Variants in IRAG1 observed in about 807,000 individuals in gnomAD.
IRAG1 encodes IP3R-associated cGMP kinase substrate.
Under a neutral mutation model 106.2 loss-of-function variants are expected in IRAG1, and 62 were observed. The ratio of observed to expected loss-of-function variants is 0.58; its 90% CI spans 0.48 to 0.72. IRAG1 has a LOEUF of 0.72. Among genes scored for constraint, IRAG1 ranks in the 30% least tolerant of loss-of-function variants. IRAG1 has a pLI of 0.00. For synonymous variants in IRAG1, 462 were observed against 443.9 expected (o/e 1.04, Z -0.51); for missense variants, 1,064 against 1,140.7 (o/e 0.93, Z 0.97).
Position 10,693,524 on chromosome 11 carries a change from G to A in IRAG1, c.67+12C>T. 1 of 1,535,554 alleles carries A rather than the reference G, an allele frequency of 6.5e-7. No homozygotes were observed. The highest frequency in any genetic ancestry group is 2.0e-5 in the Admixed American group (1 of 51,002). ...AAGAGGCAGGTTATTCTAGGATATA[G>A]GGGAGGCTTACCTAAAACTGAGTTA... On this transcript the variant is annotated intron_variant, in intron 1 of 20. Transcript: ENST00000423302.
intron 2 of IRAG1, among the ~76,000 whole-genome samples, chr11:10,648,825 G>A (rs546521570): frequency 9.2e-5 from 14 of 152,282 alleles, no homozygotes; most frequent in African/African-American, 2.9e-4. Flanking sequence ...GTGTGTATGC[G>A]TGTGTACGTG....
At chr11:10,654,376 C>T (rs1453746239) in intron 1 of IRAG1, among the ~76,000 whole-genome samples, 1 of 152,200 alleles carries the variant, frequency 6.6e-6, no homozygotes, top group African/African-American at 2.4e-5. Context: ...GACTTTTAGC[C>T]CCAGGATTGG....
intron 10 of IRAG1, among the ~76,000 whole-genome samples, chr11:10,622,174 A>G (rs1160660990): frequency 1.3e-5 from 2 of 152,228 alleles, no homozygotes; most frequent in East Asian, 3.8e-4. Flanking sequence ...TATATAGAGT[A>G]AAATACAAAA....
Position 10,659,952 on chromosome 11 carries a change from A to T in IRAG1, c.68-7770T>A, listed in dbSNP as rs1024490459. Among the ~76,000 whole-genome samples the T allele has an allele frequency of 1.3e-5, 2 of 152,294 alleles. No individual in the cohort carries two copies. The highest frequency in any genetic ancestry group is 3.9e-4 in the East Asian group (2 of 5,162). On this transcript the variant is annotated intron_variant, in intron 1 of 20. Transcript: ENST00000423302. The surrounding 1 kb of genome is among the most constrained non-coding windows in gnomAD (Gnocchi z 4.1). Reference sequence around the variant, plus strand: ...ATCCTGGGGTCAAGGACCACACGGCATTCTGGGTCTGTGAGATCCCATAAA... The same window carrying T: ...ATCCTGGGGTCAAGGACCACACGGCTTTCTGGGTCTGTGAGATCCCATAAA...
Position 10,626,521 on chromosome 11 carries a change from C to G in IRAG1, c.813G>C (p.Arg271Ser), listed in dbSNP as rs763061965. Residue 271 changes from arginine (R) to serine (S), a missense_variant, in exon 9 of 21, where the codon AGG becomes AGC. Coordinates refer to ENST00000423302, the MANE Select transcript of IRAG1 (RefSeq NM_130385.4). The part of the protein sequence containing the change: ...QNDQRKVSQG[R>S]LAPRPPPVEK... ...CAACTGGAGGAGGACGAGGAGCCAG[C>G]CTGCCCTGAGACACTTTCCTCTGGT... 1.2e-6 allele frequency: 2 copies of G among 1,613,272 alleles called. No homozygotes were observed. Among genetic ancestry groups the G allele is most frequent in the South Asian group, 1.1e-5 (1 of 90,910 alleles).
At chr11:10,661,765 T>C (rs1859422945) in intron 1 of IRAG1, among the ~76,000 whole-genome samples, 1 of 152,146 alleles carries the variant, frequency 6.6e-6, no homozygotes, top group African/African-American at 2.4e-5. Context: ...TCCAGGGTAA[T>C]CTCCATCTAA....
Position 10,628,869 on chromosome 11 carries a change from T to G in IRAG1, c.575-41A>C. ...CAAATTGGCTGGCATTCATGAAGGT[T>G]TAGGACTTCAACCTGGCAAAGGCAT... On this transcript the variant is annotated intron_variant, in intron 5 of 20. Coordinates refer to ENST00000423302, the MANE Select transcript of IRAG1 (RefSeq NM_130385.4). The surrounding 1 kb of genome is among the most constrained non-coding windows in gnomAD (Gnocchi z 4.1). 6.5e-7 allele frequency: 1 copy of G among 1,537,752 alleles called. No individual in the cohort carries two copies. The highest frequency in any genetic ancestry group is 8.8e-7 in the Non-Finnish European group (1 of 1,137,496).
At chr11:10,639,938 A>T (rs1407240043) in intron 2 of IRAG1, among the ~76,000 whole-genome samples, 3 of 152,298 alleles carry the variant, frequency 2.0e-5, no homozygotes, top group African/African-American at 7.2e-5. Flanking sequence ...ATCATCCGGC[A>T]AACATTTATT....
chr11:10,654,749 C>T (rs1345608907), intron 1 of IRAG1, among the ~76,000 whole-genome samples: 1 of 152,180 alleles, frequency 6.6e-6, no homozygotes, highest in African/African-American at 2.4e-5. Context: ...TTTCACATTA[C>T]AAATGTTTGA....
intron 2 of IRAG1, among the ~76,000 whole-genome samples, chr11:10,646,388 C>T (rs748250623): frequency 6.6e-6 from 1 of 152,190 alleles, no homozygotes; most frequent in Non-Finnish European, 1.5e-5. Flanking sequence ...TTAGCCCTCC[C>T]TCCATTTCTT....
intron 1 of IRAG1, among the ~76,000 whole-genome samples, chr11:10,669,823 CTG>C (rs1459915108): frequency 6.6e-6 from 1 of 152,292 alleles, no homozygotes; most frequent in East Asian, 1.9e-4. Context: ...ATCGGTGTAA[CTG>C]TGGATTGAAC....
At chr11:10,578,866 TTTG>T (rs1363814987) in intron 20 of IRAG1, among the ~76,000 whole-genome samples, 1 of 152,162 alleles carries the variant, frequency 6.6e-6, no homozygotes, top group Non-Finnish European at 1.5e-5. Flanking sequence ...TTATTTCTCT[TTTG>T]TTCTTTCTCA....
At chr11:10,622,733 C>T (rs769871945) in intron 10 of IRAG1, among the ~76,000 whole-genome samples, 1 of 151,996 alleles carries the variant, frequency 6.6e-6, no homozygotes, top group Non-Finnish European at 1.5e-5. Flanking sequence ...TCAAAGTCCT[C>T]AGCTCAAGCA....
At chr11:10,623,498 G>A (rs1264827113) in intron 10 of IRAG1, among the ~76,000 whole-genome samples, 1 of 152,202 alleles carries the variant, frequency 6.6e-6, no homozygotes, top group Non-Finnish European at 1.5e-5. Flanking sequence ...GGTGTACGAG[G>A]AAAAGGAAGT....
At chr11:10,637,743 G>A (rs1013325956) in intron 2 of IRAG1, among the ~76,000 whole-genome samples, 8 of 152,060 alleles carry the variant, frequency 5.3e-5, no homozygotes, top group Non-Finnish European at 8.8e-5. Context: ...GGGTTTCCAG[G>A]GGACCAGAAG....
rs564568642 is a variant in IRAG1, at chr11:10,657,128, C to T, written c.68-4946G>A. ...AGAAAGTATAGAGCCATCATCGGGA[C>T]GCACGGTTCAGGAACAGAATTTACA... On this transcript the variant is annotated intron_variant, in intron 1 of 20. Coordinates refer to ENST00000423302, the MANE Select transcript of IRAG1 (RefSeq NM_130385.4). The surrounding 1 kb of genome is among the most constrained non-coding windows in gnomAD (Gnocchi z 4.1). 9.9e-5 allele frequency among the ~76,000 whole-genome samples: 15 copies of T among 152,256 alleles called. No individual in the cohort carries two copies. The highest frequency in any genetic ancestry group is 4.1e-4 in the South Asian group (2 of 4,824).
At chr11:10,644,890 A>G (rs1170042146) in intron 2 of IRAG1, among the ~76,000 whole-genome samples, 1 of 152,218 alleles carries the variant, frequency 6.6e-6, no homozygotes, top group Non-Finnish European at 1.5e-5. Context: ...GGGCTTGAAC[A>G]GCCAAAAGGA....
rs114056836 is a variant in IRAG1 at position 10,584,797 on chromosome 11, A to T, written c.2241-2811T>A. Among the ~76,000 whole-genome samples the T allele has an allele frequency of 1.0e-3, 152 of 152,148 alleles. 1 individual carries two copies. Among genetic ancestry groups the T allele is most frequent in the African/African-American group, 3.6e-3 (149 of 41,550 alleles). ...TCCTCAACTGTACAATGGGGATAGT[A>T]ATACATACCTGATGGTGGAGGTGTA... On this transcript the variant is annotated intron_variant, in intron 18 of 20. Transcript: ENST00000423302.
chr11:10,680,941 C>T (rs1468205126), intron 1 of IRAG1, among the ~76,000 whole-genome samples: 2 of 152,086 alleles, frequency 1.3e-5, no homozygotes, highest in African/African-American at 4.8e-5. Flanking sequence ...TGAAAGATTA[C>T]ACAGATAGCA....
Sources: allele counts gnomAD v4.1 joint callset (sites outside exome capture counted in the v4.1 genomes callset), GRCh38; gene constraint gnomAD v4.1.1; non-coding constraint Gnocchi (gnomAD v3.1); transcripts MANE v1.5; gene names NCBI Gene and HGNC (gene_info 2026-07-23, HGNC 2026-07-21).